The following PTPRN2 variants were observed in gnomAD, a reference collection of about 807,000 sequenced individuals.
PTPRN2 encodes the protein receptor-type tyrosine-protein phosphatase N2.
A neutral mutation model predicts 118.8 loss-of-function variants in PTPRN2; 74 were observed. The observed-to-expected ratio is 0.62, with a 90% CI of 0.52 to 0.76. The LOEUF (loss-of-function observed/expected upper bound fraction) is 0.76, where lower values mean the gene tolerates loss of function less well. PTPRN2 is among the 30% of genes least tolerant of loss of function. The pLI is 0.00. For synonymous variants in PTPRN2, 641 were observed against 608.0 expected, an observed-to-expected ratio of 1.05 and a Z score of -0.80; for missense variants, 1,481 against 1,394.4, an observed-to-expected ratio of 1.06 and a Z score of -0.99.
chr7:157,878,747 G>A (rs1411328008), intron 12 of PTPRN2, among the ~76,000 whole-genome samples: 6 of 130,216 alleles, frequency 4.6e-5, no homozygotes, highest in African/African-American at 1.8e-4. Context: ...GGGCTGGACG[G>A]GTCAGTGTGA....
intron 17 of PTPRN2, among the ~76,000 whole-genome samples, chr7:157,586,847 C>T (rs1241284131): frequency 6.6e-6 from 1 of 152,228 alleles, no homozygotes; most frequent in African/African-American, 2.4e-5. Context: ...TAGCTGGGGG[C>T]CGTGAACCAG....
At chr7:157,908,714 A>G (rs1216263874) in intron 11 of PTPRN2, among the ~76,000 whole-genome samples, 1 of 152,248 alleles carries the variant, frequency 6.6e-6, no homozygotes, top group African/African-American at 2.4e-5. Context: ...AATATGGACT[A>G]CAATTTGATT....
chr7:157,739,624 T>A (rs886749062), intron 12 of PTPRN2, among the ~76,000 whole-genome samples: 1 of 152,226 alleles, frequency 6.6e-6, no homozygotes, highest in Non-Finnish European at 1.5e-5. Context: ...CAATGCCAAC[T>A]GCCATCTGGG....
Position 158,317,035 on chromosome 7 carries a change from G to A in PTPRN2, c.164-103C>T, listed in dbSNP as rs141407577. The A allele has an allele frequency of 9.1e-3, 7,779 of 856,958 alleles. 54 individuals carry two copies. Among genetic ancestry groups the A allele is most frequent in the Non-Finnish European group, 0.011 (6,227 of 576,118 alleles). The allele number at this position is 856,958 out of a possible 1,614,324, so 53.1% of individuals were successfully genotyped here. A position where few individuals can be genotyped will look rare whatever the true frequency, so the allele number is the denominator to read the frequency against. Reference sequence around the variant, plus strand: ...CAATGCGTTCTGATCATGTGCCGCCGTGAGGTTTTGGAGCACGGCGTCACC... The same window carrying A: ...CAATGCGTTCTGATCATGTGCCGCCATGAGGTTTTGGAGCACGGCGTCACC... On this transcript the variant is annotated intron_variant, in intron 2 of 22. Transcript: ENST00000389418.
At chr7:158,054,979 G>A (rs1490400765) in intron 11 of PTPRN2, among the ~76,000 whole-genome samples, 1 of 152,208 alleles carries the variant, frequency 6.6e-6, no homozygotes, top group African/African-American at 2.4e-5. Flanking sequence ...CCTTCACTGT[G>A]GTCAGAGCTG....
intron 3 of PTPRN2, among the ~76,000 whole-genome samples, chr7:158,291,453 C>T (rs1176351895): frequency 6.6e-6 from 1 of 152,090 alleles, no homozygotes; most frequent in Non-Finnish European, 1.5e-5. Flanking sequence ...GCTCTAGGAG[C>T]TTCCCCTCCC....
At chr7:158,490,396 G>C (rs1324780217) in intron 1 of PTPRN2, among the ~76,000 whole-genome samples, 1 of 152,226 alleles carries the variant, frequency 6.6e-6, no homozygotes, top group East Asian at 1.9e-4. Context: ...ACGCGGGGCA[G>C]AGGCAGCGCC....
At chr7:158,373,129 C>T (rs942803930) in intron 2 of PTPRN2, among the ~76,000 whole-genome samples, 13 of 152,208 alleles carry the variant, frequency 8.5e-5, no homozygotes, top group Non-Finnish European at 1.8e-4. Context: ...CCCAAGATGG[C>T]TTTGTCTGTA....
At chr7:158,328,393 T>A (rs1357074602) in intron 2 of PTPRN2, among the ~76,000 whole-genome samples, 1 of 152,206 alleles carries the variant, frequency 6.6e-6, no homozygotes, top group African/African-American at 2.4e-5. Flanking sequence ...AGACCCTATA[T>A]CGCTGGAAAT....
At chr7:158,466,779 G>A (rs931159112) in intron 2 of PTPRN2, among the ~76,000 whole-genome samples, 8 of 152,138 alleles carry the variant, frequency 5.3e-5, no homozygotes, top group African/African-American at 1.9e-4. Flanking sequence ...AGTGGCTCAC[G>A]CCTGTAATCC....
intron 9 of PTPRN2, among the ~76,000 whole-genome samples, chr7:158,118,938 A>G (rs1480436082): frequency 6.6e-6 from 1 of 152,204 alleles, no homozygotes; most frequent in Non-Finnish European, 1.5e-5. Context: ...CCTGGGCTCA[A>G]GAAATCCACC....
intron 12 of PTPRN2, among the ~76,000 whole-genome samples, chr7:157,696,977 A>C (rs1448664034): frequency 9.3e-6 from 1 of 107,530 alleles, no homozygotes; most frequent in African/African-American, 3.6e-5. Flanking sequence ...CCGTCTACCC[A>C]TGCATACTGG....
At chr7:157,967,947 A>T (rs1458846471) in intron 11 of PTPRN2, among the ~76,000 whole-genome samples, 1 of 152,216 alleles carries the variant, frequency 6.6e-6, no homozygotes, top group African/African-American at 2.4e-5. Flanking sequence ...TGACCAGTGT[A>T]AATACAATAT....
intron 1 of PTPRN2, among the ~76,000 whole-genome samples, chr7:158,550,082 GC>G (rs1406622462): frequency 6.6e-6 from 1 of 152,158 alleles, no homozygotes; most frequent in Non-Finnish European, 1.5e-5. Context: ...CATCCTCAGA[GC>G]CCCCCAGCCT....
chr7:158,520,567 C>G, intron 1 of PTPRN2, among the ~76,000 whole-genome samples: 1 of 152,222 alleles, frequency 6.6e-6, no homozygotes. Context: ...AGAAGGCTCC[C>G]TTCCGTCAGG....
intron 11 of PTPRN2, among the ~76,000 whole-genome samples, chr7:157,970,636 A>ACCCCCCC (rs10624378): frequency 9.0e-6 from 1 of 111,502 alleles, no homozygotes; most frequent in African/African-American, 3.5e-5. Flanking sequence ...CTCAGAGCGG[A>ACCCCCCC]CCCCCCCCCC....
At chr7:158,476,986 C>A (rs779141539) in intron 2 of PTPRN2, among the ~76,000 whole-genome samples, 1 of 152,240 alleles carries the variant, frequency 6.6e-6, no homozygotes, top group African/African-American at 2.4e-5. Context: ...CTCAATATCA[C>A]GTCACTTTTT....
intron 10 of PTPRN2, among the ~76,000 whole-genome samples, chr7:158,094,946 G>A (rs116128394): frequency 0.013 from 2,044 of 152,224 alleles, 51 homozygotes; most frequent in African/African-American, 0.046. Flanking sequence ...GCTAACTCCC[G>A]AAGGCAACTG....
At chr7:158,539,689 A>G in intron 1 of PTPRN2, 1 of 256,224 alleles carries the variant, frequency 3.9e-6, no homozygotes, top group South Asian at 3.6e-5. Context: ...GTCCTGAGGG[A>G]CACACTGTGA....
Sources: allele counts gnomAD v4.1 joint callset (sites outside exome capture counted in the v4.1 genomes callset), GRCh38; gene constraint gnomAD v4.1.1; transcripts MANE v1.5; gene names NCBI Gene and HGNC (gene_info 2026-07-23, HGNC 2026-07-21).